CYP4F8: variants seen among roughly 807,000 people sequenced by gnomAD.
The protein encoded by CYP4F8 is cytochrome P450 family 4 subfamily F member 8.
In CYP4F8, 56 loss-of-function variants were observed where a neutral mutation model predicts 55.0. That is an observed-to-expected ratio of 1.02 (90% CI 0.82 to 1.27). The LOEUF (loss-of-function observed/expected upper bound fraction) is 1.27, where lower values mean the gene tolerates loss of function less well. CYP4F8 is among the 50% of genes most tolerant of loss of function. CYP4F8 has a pLI of 0.00. For missense variants in CYP4F8, 680 were observed against 682.4 expected (o/e 1.00, Z 0.04); for synonymous variants, 288 against 267.3 (o/e 1.08, Z -0.76).
chr19:15,617,657 A>C (rs988357018), intron 2 of CYP4F8, among the ~76,000 whole-genome samples: 1 of 152,132 alleles, frequency 6.6e-6, no homozygotes, highest in African/African-American at 2.4e-5. Context: ...TGCAAGCTGG[A>C]GAATCAGGGA....
At chr19:15,615,533 T>G in intron 1 of CYP4F8, 83 bp from the exon 2 acceptor site, 2 of 1,461,414 alleles carry the variant, frequency 1.4e-6, no homozygotes, top group Non-Finnish European at 1.8e-6. Flanking sequence ...CTCTTAACCA[T>G]GTTTACCCAT....
chr19:15,628,741 T>C lies in CYP4F8; in HGVS notation c.1315-20T>C. The stretch of plus-strand genomic sequence containing the variant: ...GTCCTGAGAGGCCCCATCAGCAGCC[T>C]TAACTTGCCTCCACCCCAGGTCTAT... On this transcript the variant is annotated intron_variant, in intron 11 of 12. Coordinates refer to ENST00000612078, the MANE Select transcript of CYP4F8 (RefSeq NM_007253.4). The C allele has an allele frequency of 6.2e-7, 1 of 1,613,520 alleles. No homozygotes were observed. Among genetic ancestry groups the C allele is most frequent in the Non-Finnish European group, 8.5e-7 (1 of 1,179,760 alleles).
intron 9 of CYP4F8, among the ~76,000 whole-genome samples, chr19:15,625,553 T>C (rs549046764): frequency 6.6e-6 from 1 of 151,964 alleles, no homozygotes; most frequent in Non-Finnish European, 1.5e-5. Context: ...TAGTCCTACA[T>C]GAGCAGCATG....
At chr19:15,619,826 G>T in intron 5 of CYP4F8, 64 bp downstream of exon 5, 1 of 1,577,740 alleles carries the variant, frequency 6.3e-7, no homozygotes, top group African/African-American at 1.3e-5. Context: ...ATACAATTGG[G>T]TCTGGAATGT....
chr19:15,618,345 C>G (rs1284710557), intron 3 of CYP4F8: 1 of 892,676 alleles, frequency 1.1e-6, no homozygotes, highest in Non-Finnish European at 1.8e-6. Flanking sequence ...TTCCCCACCT[C>G]CGTGTTGTTC....
Position 15,615,749 on chromosome 19 carries a change from G to C in CYP4F8, c.133G>C (p.Gly45Arg). 5 of 1,613,786 alleles carry C rather than the reference G, an allele frequency of 3.1e-6. No individual in the cohort carries two copies. The highest frequency in any genetic ancestry group is 3.4e-6 in the Non-Finnish European group (4 of 1,179,908). Reference sequence around the variant, plus strand: ...CTGGACCTATGCCTTCTATCACAACGGCCGCCGCCTCCGGTGTTTCCCGCA... The same window carrying C: ...CTGGACCTATGCCTTCTATCACAACCGCCGCCGCCTCCGGTGTTTCCCGCA... ...LAWTYAFYHNGRRLRCFPQPR... is the reference protein window; with the variant it reads ...LAWTYAFYHNRRRLRCFPQPR... The change falls in exon 2 of 13, where the codon GGC (glycine) becomes CGC (arginine). Residue 45 changes from glycine (G) to arginine (R), a missense_variant. Transcript: ENST00000612078.
chr19:15,621,397 G>T (rs144392205), intron 5 of CYP4F8, among the ~76,000 whole-genome samples: 2 of 152,136 alleles, frequency 1.3e-5, no homozygotes. Flanking sequence ...GTGGTGGTGC[G>T]TGCCTGTAAC....
In CYP4F8 at chr19:15,630,031, G is replaced by A. The variant is rs1166879239; in HGVS notation, c.*673G>A. The stretch of plus-strand genomic sequence containing the variant: ...ATAACAGGCGCCTACCACCACACCC[G>A]GCTAATTGTATTTTTAGTACAGATG... On this transcript the variant is annotated 3_prime_UTR_variant, in exon 13 of 13. Coordinates refer to ENST00000612078, the MANE Select transcript of CYP4F8 (RefSeq NM_007253.4). 1 of 153,830 alleles carries A rather than the reference G, an allele frequency of 6.5e-6. No homozygotes were observed. The highest frequency in any genetic ancestry group is 1.4e-5 in the Non-Finnish European group (1 of 69,724). 9.5% of individuals were successfully genotyped at this position (153,830 alleles called of 1,614,324 possible). A position where few individuals can be genotyped will look rare whatever the true frequency, so the allele number is the denominator to read the frequency against.
chr19:15,623,541 T>C, intron 7 of CYP4F8, 158 bp from the exon 8 acceptor site: 1 of 1,015,556 alleles, frequency 9.8e-7, no homozygotes, highest in Non-Finnish European at 1.3e-6. Context: ...ATAGAAAGCT[T>C]CCTGGGAAGA....
chr19:15,628,661 C>T (rs1288190723), intron 11 of CYP4F8, 66 bp downstream of exon 11: 3 of 1,605,882 alleles, frequency 1.9e-6, no homozygotes, highest in Non-Finnish European at 2.6e-6. Context: ...TCCCGGAAAA[C>T]CAGATACTCC....
chr19:15,615,348 A>T (rs1171276944), intron 1 of CYP4F8, 68 bp downstream of exon 1: 3 of 345,304 alleles, frequency 8.7e-6, no homozygotes, highest in Admixed American at 9.3e-5. Flanking sequence ...GGCTCCAGGG[A>T]GCTGGCCCTG....
At chr19:15,623,650 T>G in intron 7 of CYP4F8, 49 bp from the exon 8 acceptor site, 2 of 1,604,148 alleles carry the variant, frequency 1.2e-6, no homozygotes, top group Non-Finnish European at 1.7e-6. Context: ...TGTTTCAGTT[T>G]AGACTCCAGT....
chr19:15,628,663 A>G, intron 11 of CYP4F8, 68 bp downstream of exon 11: 1 of 1,606,764 alleles, frequency 6.2e-7, no homozygotes, highest in South Asian at 1.1e-5. Flanking sequence ...CCGGAAAACC[A>G]GATACTCCCT....
At position 15,629,263 on chromosome 19, in the gene CYP4F8, C is replaced by T. The variant is rs952311947; in HGVS notation, c.1468C>T (p.Arg490Cys). ...CCTGGCGCTCACGCTGCTGCGCTTC[C>T]GCATCCTGCCCGACCACAGGGAGCC... ...VVLALTLLRF[R>C]ILPDHREPRR... Residue 490 changes from arginine (R) to cysteine (C), a missense_variant, in exon 13 of 13, where the codon CGC becomes TGC. Transcript: ENST00000612078. The T allele has an allele frequency of 6.8e-6, 11 of 1,613,260 alleles. No individual in the cohort carries two copies. The Admixed American group carries it at 1.0e-4, about 15-fold the overall frequency.
In CYP4F8 at chr19:15,619,653, G is replaced by GT. The variant is rs749169436; in HGVS notation, c.417dup (p.Val140CysfsTer3). 8.1e-6 allele frequency: 13 copies of GT among 1,614,110 alleles called. No homozygotes were observed. The highest frequency in any genetic ancestry group is 1.0e-5 in the Non-Finnish European group (12 of 1,180,052). ...GTACTAGGGGATGGGCTCTTGTTAA[G>GT]TGTTGGTGACAAGTGGAGACACCAC... On this transcript the variant is annotated frameshift_variant, in exon 5 of 13. Coordinates refer to ENST00000612078, the MANE Select transcript of CYP4F8 (RefSeq NM_007253.4). LOFTEE classifies it high-confidence loss of function.
Position 15,617,020 on chromosome 19 carries a change from G to A in CYP4F8, c.199-980G>A, listed in dbSNP as rs572324831. ...TCTCCCCTGGGGGCTGCTGAGAAAG[G>A]AAGTTCCACCGTGTACAGACCTTCT... On this transcript the variant is annotated intron_variant, in intron 2 of 12. Transcript: ENST00000612078. Among the ~76,000 whole-genome samples, 5 of 152,312 alleles carry A rather than the reference G, an allele frequency of 3.3e-5. No individual in the cohort carries two copies. In the South Asian group the frequency reaches 1.0e-3, roughly 32 times the overall value.
Position 15,624,068 on chromosome 19 carries a change from G to C in CYP4F8, c.1089G>C (p.Lys363Asn). The C allele has an allele frequency of 6.2e-7, 1 of 1,614,158 alleles. No individual in the cohort carries two copies. Among genetic ancestry groups the C allele is most frequent in the South Asian group, 1.1e-5 (1 of 91,072 alleles). ...GGCAGGAGGTGCAAGAGCTTCTGAA[G>C]GACCGTGAGCCTAAAGAGATTGAAT... Reference protein sequence around the residue: ...RCRQEVQELLKDREPKEIEWD... With the variant: ...RCRQEVQELLNDREPKEIEWD... The change falls in exon 9 of 13, where the codon AAG becomes AAC. Residue 363 changes from lysine (K) to asparagine (N), a missense_variant. Lys to Asn is a moderately conservative substitution (Grantham distance 94). Coordinates refer to ENST00000612078, the MANE Select transcript of CYP4F8 (RefSeq NM_007253.4).
chr19:15,628,876 G>A lies in CYP4F8; in HGVS notation c.1397+33G>A, dbSNP rs747168081. 10 of 1,556,396 alleles carry A rather than the reference G, an allele frequency of 6.4e-6. No homozygotes were observed. In the Admixed American group the frequency reaches 2.0e-4, roughly 32 times the overall value. ...CAGGGGGTGTCTGAGGTGGGCATGG[G>A]CTGAGGGTGGCACAGATGGCTGCCT... On this transcript the variant is annotated intron_variant, in intron 12 of 12. Transcript: ENST00000612078.
rs772354789 is a variant in CYP4F8 at position 15,629,397 on chromosome 19, A to T, written c.*39A>T. The stretch of plus-strand genomic sequence containing the variant: ...CCACCCACCTACCTTTGCATCACCT[A>T]CCTTTGCACCAACTACCTTTTCAGA... On this transcript the variant is annotated 3_prime_UTR_variant, in exon 13 of 13. Coordinates refer to ENST00000612078, the MANE Select transcript of CYP4F8 (RefSeq NM_007253.4). 3.2e-6 allele frequency: 5 copies of T among 1,547,124 alleles called. No homozygotes were observed. The African/African-American group carries it at 6.9e-5, about 21-fold the overall frequency.
Sources: gnomAD v4.1 joint callset for allele counts (sites outside exome capture counted in the v4.1 genomes callset) on GRCh38, gnomAD v4.1.1 for gene constraint, MANE v1.5 for transcripts, NCBI Gene and HGNC (gene_info 2026-07-23, HGNC 2026-07-21) for gene names.